Variants in GOLGA1 observed in about 807,000 individuals in gnomAD.
GOLGA1 encodes the protein golgin subfamily A member 1.
Under a neutral mutation model 119.7 loss-of-function variants are expected in GOLGA1, and 63 were observed. That is an observed-to-expected ratio of 0.53 (90% CI 0.43 to 0.65). The LOEUF is 0.65. Ranked by LOEUF, GOLGA1 falls within the 30% of genes least tolerant of loss-of-function variation. GOLGA1 has a pLI of 0.00. For missense variants in GOLGA1, 798 were observed against 912.8 expected, an observed-to-expected ratio of 0.87 and a Z score of 1.62; for synonymous variants, 318 against 333.4, an observed-to-expected ratio of 0.95 and a Z score of 0.50.
At chr9:124,896,977 C>T (rs1457017171) in intron 15 of GOLGA1, among the ~76,000 whole-genome samples, 1 of 152,052 alleles carries the variant, frequency 6.6e-6, no homozygotes, top group South Asian at 2.1e-4. Context: ...CTTTTTAATG[C>T]CTGTGTCCCG....
intron 11 of GOLGA1, among the ~76,000 whole-genome samples, chr9:124,909,125 C>T (rs527381027): frequency 2.6e-4 from 40 of 152,102 alleles, no homozygotes; most frequent in African/African-American, 8.2e-4. Flanking sequence ...GCCTGGCTAA[C>T]GTGGTGAAAT....
At chr9:124,943,511 TGAG>T (rs1163152003), upstream of GOLGA1, 3 of 152,216 alleles carry the variant, frequency 2.0e-5, no homozygotes, top group African/African-American at 4.8e-5. Context: ...TTCAGTCTCT[TGAG>T]GAGAGCTAAT....
rs530434998 is a variant in GOLGA1 at position 124,881,403 on chromosome 9, A to G, written c.2137-146T>C. ...TCTGGCACTCTGAAGTTTGGCAGCA[A>G]TGATAGGTTCTTTCTTCCCCTGCAT... On this transcript the variant is annotated intron_variant, in intron 21 of 22. Coordinates refer to ENST00000373555, the MANE Select transcript of GOLGA1 (RefSeq NM_002077.4). This position sits in a 1 kb window ranked among gnomAD's most constrained non-coding sequence, Gnocchi z 4.9. 7 of 673,290 alleles carry G rather than the reference A, an allele frequency of 1.0e-5. No individual in the cohort carries two copies. Among genetic ancestry groups the G allele is most frequent in the South Asian group, 5.1e-5 (3 of 59,202 alleles). 41.7% of individuals were successfully genotyped at this position (673,290 alleles called of 1,614,324 possible). A position where few individuals can be genotyped will look rare whatever the true frequency, so the allele number is the denominator to read the frequency against.
At chr9:124,894,352 C>G (rs976601593) in intron 15 of GOLGA1, among the ~76,000 whole-genome samples, 2 of 151,454 alleles carry the variant, frequency 1.3e-5, no homozygotes, top group African/African-American at 4.9e-5. Context: ...ATGAGCTATG[C>G]TGATTGATGG....
Position 124,923,088 on chromosome 9 carries a change from T to C in GOLGA1, c.561+7A>G. ...CAGTATTTAGCTACTAAAACAAAAA[T>C]GCATACCATGTGCTTTATTTTACTT... On this transcript the variant is annotated splice_region_variant and intron_variant, in intron 8 of 22. Coordinates refer to ENST00000373555, the MANE Select transcript of GOLGA1 (RefSeq NM_002077.4). 1 of 1,600,502 alleles carries C rather than the reference T, an allele frequency of 6.2e-7. No homozygotes were observed. Among genetic ancestry groups the C allele is most frequent in the Non-Finnish European group, 8.5e-7 (1 of 1,171,772 alleles).
intron 15 of GOLGA1, among the ~76,000 whole-genome samples, chr9:124,894,382 GT>G (rs1829919884): frequency 2.9e-5 from 1 of 34,308 alleles, no homozygotes; most frequent in Admixed American, 3.0e-4. Context: ...TTAAAGTTTT[GT>G]GTGTGTGTGT....
At chr9:124,917,861 T>A (rs28648449) in intron 10 of GOLGA1, among the ~76,000 whole-genome samples, 89,680 of 151,010 alleles carry the variant, frequency 0.59, 26,974 homozygotes, top group Admixed American at 0.64. Flanking sequence ...ATATATATAT[T>A]TTTTTTTTGA....
chr9:124,928,368 C>T lies in GOLGA1; in HGVS notation c.302-83G>A. Reference sequence around the variant, plus strand: ...ATAGCCCATGTGATTACAACTGTCACCTAATGAAAAAGGCCAAAGTCACAT... The same window carrying T: ...ATAGCCCATGTGATTACAACTGTCATCTAATGAAAAAGGCCAAAGTCACAT... On this transcript the variant is annotated intron_variant, in intron 5 of 22. Transcript: ENST00000373555. 4.6e-6 allele frequency: 3 copies of T among 659,286 alleles called. No individual in the cohort carries two copies. The South Asian group carries it at 6.0e-5, about 13-fold the overall frequency. The allele number at this position is 659,286 out of a possible 1,614,324, so 40.8% of individuals were successfully genotyped here.
At chr9:124,884,778 G>A (rs1428135977) in intron 19 of GOLGA1, among the ~76,000 whole-genome samples, 1 of 152,122 alleles carries the variant, frequency 6.6e-6, no homozygotes, top group Non-Finnish European at 1.5e-5. Flanking sequence ...TTTATCTTAC[G>A]TTATTTTGGT....
At chr9:124,883,590 G>A (rs1424218045) in intron 19 of GOLGA1, among the ~76,000 whole-genome samples, 1 of 152,182 alleles carries the variant, frequency 6.6e-6, no homozygotes. Flanking sequence ...TGGGATTACT[G>A]GTTCCCACCA....
chr9:124,937,340 C>T (rs1202878808), intron 3 of GOLGA1, among the ~76,000 whole-genome samples: 2 of 152,018 alleles, frequency 1.3e-5, no homozygotes, highest in African/African-American at 4.8e-5. Flanking sequence ...TAGTCCCAAG[C>T]TACTCAGGAG....
At chr9:124,913,244 G>T (rs1830374263) in intron 10 of GOLGA1, among the ~76,000 whole-genome samples, 1 of 152,126 alleles carries the variant, frequency 6.6e-6, no homozygotes, top group Non-Finnish European at 1.5e-5. Flanking sequence ...CCCTTGACAT[G>T]TGGGCATTAC....
intron 2 of GOLGA1, among the ~76,000 whole-genome samples, chr9:124,939,690 G>A (rs1830962040): frequency 6.6e-6 from 1 of 151,186 alleles, no homozygotes; most frequent in Admixed American, 6.6e-5. Context: ...AGCCTCCCGA[G>A]TAGCTGGGAT....
chr9:124,890,980 A>G (rs908072058), intron 15 of GOLGA1, among the ~76,000 whole-genome samples: 1 of 152,140 alleles, frequency 6.6e-6, no homozygotes, highest in African/African-American at 2.4e-5. Context: ...CACAGTGAGG[A>G]TCTGTCTCTA....
chr9:124,901,272 ATT>A (rs35565039), intron 12 of GOLGA1, among the ~76,000 whole-genome samples: 68 of 109,942 alleles, frequency 6.2e-4, no homozygotes, highest in Non-Finnish European at 8.0e-4. Flanking sequence ...TGCCCGGCCT[ATT>A]TTTTTTTTTT....
chr9:124,890,472 A>G lies in GOLGA1; in HGVS notation c.1414T>C (p.Trp472Arg). 6.2e-7 allele frequency: 1 copy of G among 1,612,460 alleles called. No individual in the cohort carries two copies. The highest frequency in any genetic ancestry group is 2.2e-5 in the East Asian group (1 of 44,874). ...ACGCTCACAATTTCTCTTTGGCTCC[A>G]TTCTTCCTACAATGCAGAAAACCAC... ...QFELKKLKEE[W>R]SQREIVSVAM... is the part of the protein sequence containing the mutation. Residue 472 changes from tryptophan to arginine, a missense_variant, in exon 16 of 23, where the codon TGG becomes CGG. By Grantham distance (101) the Trp-to-Arg change is moderately radical. Coordinates refer to ENST00000373555, the MANE Select transcript of GOLGA1 (RefSeq NM_002077.4).
intron 16 of GOLGA1, 53 bp from the exon 17 acceptor site, chr9:124,889,589 C>T: frequency 8.5e-6 from 10 of 1,179,678 alleles, no homozygotes; most frequent in African/African-American, 4.5e-5. Context: ...ACTCCATCTT[C>T]CCACAGAAAT....
chr9:124,920,589 T>C (rs973970343), intron 10 of GOLGA1, among the ~76,000 whole-genome samples: 36 of 152,206 alleles, frequency 2.4e-4, no homozygotes, highest in African/African-American at 8.4e-4. Context: ...GCCCTGGTCA[T>C]GTCAGCCACT....
intron 13 of GOLGA1, 134 bp from the exon 14 acceptor site, chr9:124,899,612 T>G: frequency 1.2e-6 from 1 of 868,196 alleles, no homozygotes; most frequent in Non-Finnish European, 1.8e-6. Flanking sequence ...CTGGCGTTGC[T>G]GAGGTCCCCC....
Sources: gnomAD v4.1 joint callset for allele counts (sites outside exome capture counted in the v4.1 genomes callset) on GRCh38, gnomAD v4.1.1 for gene constraint, Gnocchi (gnomAD v3.1) non-coding constraint, MANE v1.5 for transcripts, NCBI Gene and HGNC (gene_info 2026-07-23, HGNC 2026-07-21) for gene names.